Variants in POLB observed in about 807,000 individuals in gnomAD.
POLB encodes 5'-dRP lyase.
A neutral mutation model predicts 52.7 loss-of-function variants in POLB; 37 were observed. That is an observed-to-expected ratio of 0.70 (90% CI 0.54 to 0.92). The LOEUF is 0.92. POLB is among the 40% of genes least tolerant of loss of function. The pLI, the probability that POLB is intolerant of heterozygous loss-of-function variation, is 0.00. For missense variants in POLB, 313 were observed against 400.8 expected (o/e 0.78, Z 1.87); for synonymous variants, 138 against 131.3 (o/e 1.05, Z -0.35).
At chr8:42,345,945 G>A (rs2976240) in intron 3 of POLB, among the ~76,000 whole-genome samples, 142,598 of 152,310 alleles carry the variant, frequency 0.94, 66,897 homozygotes, top group East Asian at 0.99. Context: ...GTTTTGAGAC[G>A]GAGTCTCACC....
At chr8:42,341,525 T>C (rs987225889) in intron 2 of POLB, among the ~76,000 whole-genome samples, 4 of 152,250 alleles carry the variant, frequency 2.6e-5, no homozygotes, top group Non-Finnish European at 5.9e-5. Context: ...TTAGCTGTAC[T>C]GTCACTTCTC....
At position 42,362,671 on chromosome 8, in the gene POLB, C is replaced by T; in HGVS notation, c.681C>T (p.Thr227=). The T allele has an allele frequency of 1.9e-6, 3 of 1,607,184 alleles. No homozygotes were observed. The highest frequency in any genetic ancestry group is 1.7e-6 in the Non-Finnish European group (2 of 1,174,244). Residue 227 remains threonine, a synonymous_variant, in exon 11 of 14, where the codon ACC becomes ACT. Coordinates refer to ENST00000265421, the MANE Select transcript of POLB (RefSeq NM_002690.3). ...QLQKVHFITD[T]LSKGETKFMG... is the part of the protein sequence containing the mutation. ...AAAAGGTTCATTTTATCACAGATAC[C>T]CTGTCAAAGGGTGAGACAAAGTTCA...
intron 11 of POLB, 63 bp from the exon 12 acceptor site, chr8:42,369,208 T>A (rs922183449): frequency 1.0e-6 from 1 of 991,442 alleles, no homozygotes; most frequent in African/African-American, 1.6e-5. Context: ...TGTGTTTTAC[T>A]TGATTAAAAT....
intron 3 of POLB, among the ~76,000 whole-genome samples, chr8:42,346,691 G>T (rs2130790247): frequency 6.6e-6 from 1 of 152,162 alleles, no homozygotes; most frequent in African/African-American, 2.4e-5. Flanking sequence ...ACCATGACTG[G>T]ACCATAACTG....
intron 10 of POLB, among the ~76,000 whole-genome samples, chr8:42,362,152 C>T (rs1189649980): frequency 2.6e-5 from 4 of 151,816 alleles, no homozygotes; most frequent in Admixed American, 6.6e-5. Context: ...CCCAGCTACT[C>T]GGGAGGCTGA....
chr8:42,362,736 C>CT (rs1291525507), intron 11 of POLB, 38 bp downstream of exon 11: 1 of 1,119,528 alleles, frequency 8.9e-7, no homozygotes, highest in South Asian at 1.3e-5. Context: ...TAAAAAAAAA[C>CT]TTGGAGACTG....
At chr8:42,355,463 C>A in intron 6 of POLB, 53 bp from the exon 7 acceptor site, 1 of 978,236 alleles carries the variant, frequency 1.0e-6, no homozygotes, top group Non-Finnish European at 1.6e-6. Flanking sequence ...TTAGCATTTT[C>A]CCCCCAAAAA....
chr8:42,361,398 T>C, intron 10 of POLB, 33 bp downstream of exon 10: 2 of 1,361,594 alleles, frequency 1.5e-6, no homozygotes, highest in Non-Finnish European at 2.1e-6. Context: ...TGGTGATCAG[T>C]CTTACACAAC....
At chr8:42,359,749 C>T (rs1367529396) in intron 9 of POLB, among the ~76,000 whole-genome samples, 2 of 151,380 alleles carry the variant, frequency 1.3e-5, no homozygotes, top group Admixed American at 1.3e-4. Flanking sequence ...ATTAATGGAC[C>T]CTTGGGTTGT....
In POLB at chr8:42,355,043, CGTT is replaced by C. The variant is rs974571928; in HGVS notation, c.371-466_371-464del. Among the ~76,000 whole-genome samples the C allele has an allele frequency of 7.9e-5, 12 of 151,536 alleles. 1 individual carries two copies. The highest frequency in any genetic ancestry group is 5.8e-4 in the East Asian group (3 of 5,148). ...GTGTGATTCTGTTTTTTTTTGTTGTCGTTGTTGTTTTTCGAGACGGGGTCTTGC... is the reference window on the plus strand; with the variant it reads ...GTGTGATTCTGTTTTTTTTTGTTGTCGTTGTTTTTCGAGACGGGGTCTTGC... On this transcript the variant is annotated intron_variant, in intron 6 of 13. Coordinates refer to ENST00000265421, the MANE Select transcript of POLB (RefSeq NM_002690.3).
rs1299472172 is a variant in POLB, at chr8:42,338,645, G to T, written c.21G>T (p.Pro7=). The T allele has an allele frequency of 3.7e-6, 6 of 1,614,170 alleles. No individual in the cohort carries two copies. Among genetic ancestry groups the T allele is most frequent in the African/African-American group, 1.3e-5 (1 of 75,064 alleles). ...CCGCCATGAGCAAACGGAAGGCGCC[G>T]CAGGAGACTCTCAACGGGGGAATCA... MSKRKA[P]QETLNGGITD... Residue 7 remains proline, a synonymous_variant, in exon 1 of 14, where the codon CCG becomes CCT. Transcript: ENST00000265421.
intron 2 of POLB, among the ~76,000 whole-genome samples, chr8:42,344,713 G>C (rs1004220564): frequency 6.6e-6 from 1 of 151,940 alleles, no homozygotes; most frequent in Non-Finnish European, 1.5e-5. Context: ...TACTCGGGAG[G>C]CTGAGGCAAG....
chr8:42,366,529 A>G (rs1352417089), intron 11 of POLB, among the ~76,000 whole-genome samples: 1 of 152,238 alleles, frequency 6.6e-6, no homozygotes, highest in Non-Finnish European at 1.5e-5. Flanking sequence ...CCTGTGGTTC[A>G]TAGTCCCTGG....
At chr8:42,346,163 C>G (rs1482695466) in intron 3 of POLB, among the ~76,000 whole-genome samples, 2 of 152,124 alleles carry the variant, frequency 1.3e-5, no homozygotes, top group African/African-American at 2.4e-5. Context: ...TTCAGGTGAT[C>G]CACTGCCTTG....
chr8:42,354,550 A>C, intron 6 of POLB: 1 of 977,522 alleles, frequency 1.0e-6, no homozygotes, highest in Non-Finnish European at 1.4e-6. Context: ...TTTCAATGGA[A>C]TTTTTTTTTG....
chr8:42,342,842 T>C (rs1468787846), intron 2 of POLB, among the ~76,000 whole-genome samples: 1 of 151,658 alleles, frequency 6.6e-6, no homozygotes, highest in African/African-American at 2.4e-5. Context: ...TAAAAAAAAA[T>C]AAATTGATAT....
At chr8:42,367,015 G>A (rs565469289) in intron 11 of POLB, among the ~76,000 whole-genome samples, 2 of 152,244 alleles carry the variant, frequency 1.3e-5, no homozygotes, top group South Asian at 4.1e-4. Flanking sequence ...GGGTTAGATT[G>A]GGGAACAAAA....
intron 2 of POLB, among the ~76,000 whole-genome samples, chr8:42,343,349 T>A (rs1443604680): frequency 0.093 from 1,649 of 17,740 alleles, 81 homozygotes; most frequent in South Asian, 0.14. Flanking sequence ...AAAAAAAATA[T>A]ATATATATAT....
chr8:42,360,309 A>G (rs1490543853), intron 9 of POLB, among the ~76,000 whole-genome samples: 1 of 152,040 alleles, frequency 6.6e-6, no homozygotes, highest in Non-Finnish European at 1.5e-5. Context: ...TCATGCTTGT[A>G]ATCCCAGCAC....
Sources: allele counts gnomAD v4.1 joint callset (sites outside exome capture counted in the v4.1 genomes callset), GRCh38; gene constraint gnomAD v4.1.1; transcripts MANE v1.5; gene names NCBI Gene and HGNC (gene_info 2026-07-23, HGNC 2026-07-21).